Variants in HVCN1 observed in about 807,000 individuals in gnomAD.
HVCN1 encodes voltage-gated hydrogen channel 1.
A neutral mutation model predicts 29.2 loss-of-function variants in HVCN1; 14 were observed. The observed-to-expected ratio is 0.48, with a 90% CI of 0.32 to 0.75. The LOEUF is 0.75. Ranked by LOEUF, HVCN1 falls within the 30% of genes least tolerant of loss-of-function variation. The pLI is 0.04. For synonymous variants in HVCN1, 131 were observed against 133.2 expected (o/e 0.98, Z 0.11); for missense variants, 263 against 341.8 (o/e 0.77, Z 1.82).
At chr12:110,693,066 A>C (rs189301026), upstream of HVCN1, among the ~76,000 whole-genome samples, 146 of 151,700 alleles carry the variant, frequency 9.6e-4, 1 homozygote, top group Middle Eastern at 3.4e-3. Context: ...TTTTGTAGAG[A>C]TGGGGTCTTG....
chr12:110,666,300 GT>G (rs1566042406), intron 3 of HVCN1, among the ~76,000 whole-genome samples: 1 of 151,932 alleles, frequency 6.6e-6, no homozygotes, highest in Non-Finnish European at 1.5e-5. Flanking sequence ...GCCAGCGCCT[GT>G]AGTCCCAGCT....
chr12:110,695,048 C>T (rs2069467655), intron 2 of HVCN1, among the ~76,000 whole-genome samples: 1 of 152,198 alleles, frequency 6.6e-6, no homozygotes, highest in Admixed American at 6.5e-5. Context: ...GTCCTGCCTG[C>T]CCTCATTAAA....
chr12:110,683,308 C>T (rs1171485924), intron 2 of HVCN1, 44 bp from the exon 3 acceptor site: 30 of 1,572,070 alleles, frequency 1.9e-5, no homozygotes, highest in Non-Finnish European at 2.5e-5. Context: ...CATCTTGCTG[C>T]CATCTGCCTT....
chr12:110,661,123 T>G lies in HVCN1; in HGVS notation c.306+41A>C, dbSNP rs901297614. ...CCTGCCTCACATTCCCCGATGGCTC[T>G]CCTGCCAGCTCTGGGTATCCCGGAC... On this transcript the variant is annotated intron_variant, in intron 4 of 7. Coordinates refer to ENST00000242607, the MANE Select transcript of HVCN1 (RefSeq NM_032369.4). The surrounding 1 kb of genome is among the most constrained non-coding windows in gnomAD (Gnocchi z 6.2). 6.5e-7 allele frequency: 1 copy of G among 1,548,672 alleles called. No individual in the cohort carries two copies. Among genetic ancestry groups the G allele is most frequent in the Non-Finnish European group, 8.7e-7 (1 of 1,144,874 alleles).
chr12:110,659,956 C>T lies in HVCN1; in HGVS notation c.306+1208G>A, dbSNP rs142529408. ...TGGCAGGCACCTGTAATCCCAACTA[C>T]TTGGGAGGCTGAGGCAGGATAGCTT... On this transcript the variant is annotated intron_variant, in intron 4 of 7. Transcript: ENST00000242607. Among the ~76,000 whole-genome samples the T allele has an allele frequency of 2.9e-3, 434 of 151,956 alleles. 1 individual carries two copies. Among genetic ancestry groups the T allele is most frequent in the Non-Finnish European group, 4.9e-3 (332 of 67,982 alleles).
chr12:110,672,215 T>C (rs2068600370), intron 3 of HVCN1, among the ~76,000 whole-genome samples: 1 of 152,148 alleles, frequency 6.6e-6, no homozygotes, highest in Non-Finnish European at 1.5e-5. Context: ...GCTCAAGCAA[T>C]CCTCCCGCCT....
Position 110,650,157 on chromosome 12 carries a change from G to A in HVCN1, c.756+11C>T, listed in dbSNP as rs370684539. On this transcript the variant is annotated intron_variant, in intron 7 of 7. Transcript: ENST00000242607. Reference sequence around the variant, plus strand: ...ACCACGCCTGGTCCCCAGATGTGTCGTCTTTCTTACCTTCTCAGAGCAGCT... The same window carrying A: ...ACCACGCCTGGTCCCCAGATGTGTCATCTTTCTTACCTTCTCAGAGCAGCT... 1.5e-5 allele frequency: 23 copies of A among 1,574,852 alleles called. 1 individual carries two copies. Among genetic ancestry groups the A allele is most frequent in the Admixed American group, 1.2e-4 (7 of 59,878 alleles).
chr12:110,698,496 T>C (rs1336478991), intron 2 of HVCN1, among the ~76,000 whole-genome samples: 1 of 152,188 alleles, frequency 6.6e-6, no homozygotes, highest in African/African-American at 2.4e-5. Context: ...AACTAGAGGC[T>C]TCCGCAGCCG....
chr12:110,654,130 T>G (rs2067907246), intron 5 of HVCN1, among the ~76,000 whole-genome samples: 1 of 152,032 alleles, frequency 6.6e-6, no homozygotes, highest in South Asian at 2.1e-4. Flanking sequence ...TGTTAATGGA[T>G]TCTATTAAAA....
At chr12:110,656,120 T>C (rs2067983385) in intron 4 of HVCN1, among the ~76,000 whole-genome samples, 1 of 152,196 alleles carries the variant, frequency 6.6e-6, no homozygotes, top group African/African-American at 2.4e-5. Flanking sequence ...GGAAGGGACC[T>C]TGGGGACTGC....
intron 2 of HVCN1, chr12:110,688,018 C>T (rs904573899): frequency 3.3e-5 from 5 of 152,212 alleles, no homozygotes; most frequent in Non-Finnish European, 5.9e-5. Context: ...TGGGGCTGTC[C>T]GGAAATCCTG....
chr12:110,698,282 G>A (rs2069523392), intron 2 of HVCN1, among the ~76,000 whole-genome samples: 1 of 152,226 alleles, frequency 6.6e-6, no homozygotes. Flanking sequence ...TTACAGGCGT[G>A]AGCCTCTATG....
In HVCN1 at chr12:110,662,907, A is replaced by G. The variant is rs534291374; in HGVS notation, c.22-1459T>C. On this transcript the variant is annotated intron_variant, in intron 3 of 7. Transcript: ENST00000242607. ...ATATAAAGAAATCTTATAAATCAAAAAGAGAAAGAAAAACTCCATGGAAAA... is the reference window on the plus strand; with the variant it reads ...ATATAAAGAAATCTTATAAATCAAAGAGAGAAAGAAAAACTCCATGGAAAA... 1.2e-4 allele frequency among the ~76,000 whole-genome samples: 18 copies of G among 152,358 alleles called. 1 individual carries two copies. The South Asian group carries it at 3.3e-3, about 28-fold the overall frequency.
intron 4 of HVCN1, among the ~76,000 whole-genome samples, chr12:110,656,092 C>G (rs1274404927): frequency 1.3e-5 from 2 of 152,204 alleles, no homozygotes; most frequent in Non-Finnish European, 2.9e-5. Context: ...ACAGCCCTGC[C>G]TCGGCAGTCC....
At chr12:110,679,611 T>C (rs945113460) in intron 3 of HVCN1, among the ~76,000 whole-genome samples, 5 of 152,008 alleles carry the variant, frequency 3.3e-5, no homozygotes, top group African/African-American at 1.2e-4. Flanking sequence ...CCCAGCACTT[T>C]GGGAGGCCGA....
In HVCN1 at chr12:110,684,499, T is replaced by C. The variant is rs367731067; in HGVS notation, c.-19-1235A>G. On this transcript the variant is annotated intron_variant, in intron 2 of 7. Transcript: ENST00000242607. ...CTGCTAGTGCTGTTGAGTATTCACATATGGACGTGGAAAGACGCCAGCCAC... is the reference window on the plus strand; with the variant it reads ...CTGCTAGTGCTGTTGAGTATTCACACATGGACGTGGAAAGACGCCAGCCAC... Among the ~76,000 whole-genome samples the C allele has an allele frequency of 5.8e-3, 883 of 152,300 alleles. 5 individuals are homozygous for C. Among genetic ancestry groups the C allele is most frequent in the Non-Finnish European group, 9.7e-3 (661 of 68,020 alleles).
chr12:110,697,616 T>C (rs551608585), intron 2 of HVCN1, among the ~76,000 whole-genome samples: 22 of 151,784 alleles, frequency 1.4e-4, no homozygotes, highest in African/African-American at 5.3e-4. Flanking sequence ...ATTGATTCAG[T>C]TCTTACTATA....
chr12:110,670,262 C>T (rs2068528935), intron 3 of HVCN1, among the ~76,000 whole-genome samples: 1 of 152,160 alleles, frequency 6.6e-6, no homozygotes, highest in African/African-American at 2.4e-5. Context: ...GGGAAAGTCC[C>T]TAGTTCATTG....
At chr12:110,654,108 G>A (rs541475225) in intron 5 of HVCN1, among the ~76,000 whole-genome samples, 40 of 152,206 alleles carry the variant, frequency 2.6e-4, no homozygotes, top group African/African-American at 8.2e-4. Flanking sequence ...AAGACAATAA[G>A]TATGGCAGGT....
Sources: gnomAD v4.1 joint callset for allele counts (sites outside exome capture counted in the v4.1 genomes callset) on GRCh38, gnomAD v4.1.1 for gene constraint, Gnocchi (gnomAD v3.1) non-coding constraint, MANE v1.5 for transcripts, NCBI Gene and HGNC (gene_info 2026-07-23, HGNC 2026-07-21) for gene names.